DPYD: variants seen among roughly 807,000 people sequenced by gnomAD.
The protein encoded by DPYD is dihydropyrimidine dehydrogenase [NADP(+)].
A neutral mutation model predicts 116.2 loss-of-function variants in DPYD; 109 were observed. That is an observed-to-expected ratio of 0.94 (90% CI 0.80 to 1.10). The LOEUF (loss-of-function observed/expected upper bound fraction) is 1.10. Ranked by LOEUF, DPYD falls within the 50% of genes least tolerant of loss-of-function variation. The pLI is 0.00. For synonymous variants in DPYD, 440 were observed against 432.0 expected (o/e 1.02, Z -0.23); for missense variants, 1,302 against 1,254.5 (o/e 1.04, Z -0.57).
chr1:97,651,504 A>G (rs1474953686), intron 8 of DPYD, among the ~76,000 whole-genome samples: 1 of 152,174 alleles, frequency 6.6e-6, no homozygotes, highest in Non-Finnish European at 1.5e-5. Context: ...GCTGCCGTTC[A>G]TTAATCAAAC....
intron 20 of DPYD, among the ~76,000 whole-genome samples, chr1:97,182,310 C>T (rs904524324): frequency 5.3e-5 from 8 of 152,242 alleles, no homozygotes; most frequent in South Asian, 2.1e-4. Context: ...AACCATCTGA[C>T]GATATTCAGA....
At chr1:97,500,424 T>C (rs1367160117) in intron 13 of DPYD, among the ~76,000 whole-genome samples, 1 of 152,076 alleles carries the variant, frequency 6.6e-6, no homozygotes, top group Non-Finnish European at 1.5e-5. Context: ...CACAGTGATA[T>C]ATAAATTAAT....
At chr1:97,455,209 T>C (rs956735702) in intron 13 of DPYD, among the ~76,000 whole-genome samples, 4 of 151,902 alleles carry the variant, frequency 2.6e-5, no homozygotes, top group Non-Finnish European at 2.9e-5. Context: ...AAAGAAGCTT[T>C]ACTCTTGAAC....
intron 19 of DPYD, among the ~76,000 whole-genome samples, chr1:97,206,687 TA>T (rs1553233605): frequency 6.3e-4 from 45 of 71,482 alleles, no homozygotes; most frequent in Non-Finnish European, 9.9e-4. Flanking sequence ...TATATATATA[TA>T]ATCTATATGC....
intron 19 of DPYD, among the ~76,000 whole-genome samples, chr1:97,219,976 C>T (rs1054068018): frequency 8.5e-5 from 13 of 152,172 alleles, no homozygotes; most frequent in South Asian, 2.1e-4. Flanking sequence ...TGTATAACTA[C>T]GCCTTGATAT....
At chr1:97,314,226 T>C (rs1057066380) in intron 16 of DPYD, among the ~76,000 whole-genome samples, 2 of 151,860 alleles carry the variant, frequency 1.3e-5, no homozygotes, top group African/African-American at 4.8e-5. Context: ...ATTGAGGGCT[T>C]TTCCAGAGTT....
intron 3 of DPYD, among the ~76,000 whole-genome samples, chr1:97,796,674 C>T (rs1021181644): frequency 5.9e-5 from 9 of 152,080 alleles, no homozygotes; most frequent in African/African-American, 2.2e-4. Context: ...GAGGGTGAGA[C>T]AGAGAAGAGA....
chr1:97,283,089 CTTTTT>C (rs1280392977), intron 18 of DPYD, among the ~76,000 whole-genome samples: 3 of 151,760 alleles, frequency 2.0e-5, no homozygotes, highest in Admixed American at 6.6e-5. Flanking sequence ...TATCTTTTTT[CTTTTT>C]TAATAGTTTA....
At chr1:97,220,203 A>G (rs1660691157) in intron 19 of DPYD, among the ~76,000 whole-genome samples, 1 of 151,998 alleles carries the variant, frequency 6.6e-6, no homozygotes, top group Non-Finnish European at 1.5e-5. Flanking sequence ...TTCACAGATT[A>G]ATGCACTATC....
At chr1:97,837,487 T>C (rs1262684549) in intron 2 of DPYD, among the ~76,000 whole-genome samples, 1 of 152,178 alleles carries the variant, frequency 6.6e-6, no homozygotes, top group Non-Finnish European at 1.5e-5. Flanking sequence ...TCACAGTCCT[T>C]GGACTCCATC....
At chr1:97,238,566 G>A (rs547092415) in intron 18 of DPYD, among the ~76,000 whole-genome samples, 2 of 152,176 alleles carry the variant, frequency 1.3e-5, no homozygotes, top group South Asian at 4.1e-4. Flanking sequence ...TTGGTTTAAA[G>A]AAAATACATA....
chr1:97,286,850 T>G (rs1176273440), intron 18 of DPYD, among the ~76,000 whole-genome samples: 1 of 152,214 alleles, frequency 6.6e-6, no homozygotes, highest in African/African-American at 2.4e-5. Context: ...TTCAACTTGT[T>G]TGCCTTTGGT....
intron 13 of DPYD, among the ~76,000 whole-genome samples, chr1:97,512,312 T>C (rs1428482852): frequency 6.6e-6 from 1 of 151,904 alleles, no homozygotes; most frequent in South Asian, 2.1e-4. Flanking sequence ...TGGATACTTA[T>C]TTACCTAATT....
intron 21 of DPYD, among the ~76,000 whole-genome samples, chr1:97,084,603 T>A (rs574830570): frequency 1.3e-5 from 2 of 152,278 alleles, no homozygotes; most frequent in Admixed American, 6.5e-5. Flanking sequence ...GTTTTACACA[T>A]TTTCTCACTT....
chr1:97,239,810 A>G (rs1027393814), intron 18 of DPYD, among the ~76,000 whole-genome samples: 4 of 152,054 alleles, frequency 2.6e-5, no homozygotes, highest in African/African-American at 9.7e-5. Flanking sequence ...CCGAATCTCA[A>G]TTTTGTCATC....
chr1:97,502,732 A>G (rs1013315282), intron 13 of DPYD, among the ~76,000 whole-genome samples: 5 of 151,984 alleles, frequency 3.3e-5, no homozygotes, highest in African/African-American at 4.8e-5. Flanking sequence ...CTACCCTTTA[A>G]TAACTGATCA....
intron 2 of DPYD, among the ~76,000 whole-genome samples, chr1:97,871,197 C>T (rs548555800): frequency 6.6e-6 from 1 of 151,956 alleles, no homozygotes; most frequent in East Asian, 1.9e-4. Flanking sequence ...TTATTATATA[C>T]TACTTATTGA....
At chr1:97,668,488 T>C (rs1302103180) in intron 8 of DPYD, among the ~76,000 whole-genome samples, 4 of 152,128 alleles carry the variant, frequency 2.6e-5, no homozygotes, top group Non-Finnish European at 5.9e-5. Flanking sequence ...ACAAAGTTCT[T>C]ATTTTTAAAA....
rs190213301 is a variant in DPYD, at chr1:97,362,814, A to C, written c.2058+10747T>G. ...CACAAAAATTAATTCAAGATGGATT[A>C]AAGACTCACATGTTAGACCTAAAAC... is the stretch of plus-strand genomic sequence containing the variant. On this transcript the variant is annotated intron_variant, in intron 16 of 22. Transcript: ENST00000370192. Among the ~76,000 whole-genome samples, 556 of 152,328 alleles carry C rather than the reference A, an allele frequency of 3.7e-3. 1 individual carries two copies. The highest frequency in any genetic ancestry group is 5.7e-3 in the Admixed American group (87 of 15,300).
Sources: allele counts gnomAD v4.1 joint callset (sites outside exome capture counted in the v4.1 genomes callset), GRCh38; gene constraint gnomAD v4.1.1; transcripts MANE v1.5; gene names NCBI Gene and HGNC (gene_info 2026-07-23, HGNC 2026-07-21).